Variants in CDHR3 observed in about 807,000 individuals in gnomAD.
The protein encoded by CDHR3 is cadherin related family member 3.
CDHR3 carries 79 observed loss-of-function variants against 86.6 expected under a neutral mutation model. The ratio of observed to expected loss-of-function variants is 0.91; its 90% confidence interval spans 0.76 to 1.10. The LOEUF (loss-of-function observed/expected upper bound fraction) is 1.10. Ranked by LOEUF, CDHR3 falls within the 50% of genes least tolerant of loss-of-function variation. The pLI, the probability that CDHR3 is intolerant of heterozygous loss-of-function variation, is 0.00. For missense variants in CDHR3, 1,081 were observed against 1,077.6 expected, an observed-to-expected ratio of 1.00 and a Z score of -0.04; for synonymous variants, 421 against 402.4, an observed-to-expected ratio of 1.05 and a Z score of -0.55.
At chr7:105,979,035 T>C (rs935643382) in intron 2 of CDHR3, among the ~76,000 whole-genome samples, 50 of 152,334 alleles carry the variant, frequency 3.3e-4, no homozygotes, top group Non-Finnish European at 5.1e-4. Context: ...GAACAGTTTT[T>C]GACTACTTAA....
chr7:105,996,187 C>T (rs967720097), intron 5 of CDHR3, 63 bp from the exon 6 acceptor site: 2 of 878,606 alleles, frequency 2.3e-6, no homozygotes, highest in African/African-American at 1.7e-5. Flanking sequence ...TGATTTTCCC[C>T]ATCCTATTTT....
At chr7:106,008,353 GCT>G in intron 8 of CDHR3, among the ~76,000 whole-genome samples, 1 of 152,256 alleles carries the variant, frequency 6.6e-6, no homozygotes, top group South Asian at 2.1e-4. Context: ...CCCAAAAGCA[GCT>G]CTCTGTCGCA....
chr7:105,977,013 C>T (rs983693734), intron 2 of CDHR3, among the ~76,000 whole-genome samples: 1 of 143,544 alleles, frequency 7.0e-6, no homozygotes, highest in Non-Finnish European at 1.5e-5. Flanking sequence ...GATGGGGTCT[C>T]ACTATGCTGC....
chr7:105,986,585 A>G (rs1830561600), intron 4 of CDHR3, among the ~76,000 whole-genome samples: 1 of 152,092 alleles, frequency 6.6e-6, no homozygotes, highest in East Asian at 1.9e-4. Flanking sequence ...AGACCCAAAG[A>G]CCCCCAGGGA....
intron 4 of CDHR3, 124 bp from the exon 5 acceptor site, chr7:105,994,627 C>A: frequency 1.4e-6 from 1 of 708,662 alleles, no homozygotes; most frequent in South Asian, 1.6e-5. Flanking sequence ...CTTTGAACCG[C>A]ATCCTGATGC....
rs193792 is a variant in CDHR3 at position 105,982,488 on chromosome 7, A to T, written c.415+1355A>T. ...TGTCTCAAAAAAAAAAAAGAAAAAA[A>T]AAAAAAAGAACCAATTAAATCTGGC... On this transcript the variant is annotated intron_variant, in intron 3 of 18. Coordinates refer to ENST00000317716, the MANE Select transcript of CDHR3 (RefSeq NM_152750.5). 1.6e-4 allele frequency among the ~76,000 whole-genome samples: 24 copies of T among 149,008 alleles called. 1 individual carries two copies. Among genetic ancestry groups the T allele is most frequent in the Non-Finnish European group, 3.6e-4 (24 of 67,296 alleles).
chr7:105,991,640 C>CT (rs1337940431), intron 4 of CDHR3, among the ~76,000 whole-genome samples: 8 of 152,002 alleles, frequency 5.3e-5, no homozygotes, highest in South Asian at 2.1e-4. Flanking sequence ...TTTGTTGTTG[C>CT]TTTTTTGTTT....
In CDHR3 at chr7:106,032,795, C is replaced by A; in HGVS notation, c.*98C>A. 1 of 1,286,390 alleles carries A rather than the reference C, an allele frequency of 7.8e-7. No individual in the cohort carries two copies. The highest frequency in any genetic ancestry group is 1.1e-6 in the Non-Finnish European group (1 of 950,490). 79.7% of individuals were successfully genotyped at this position (1,286,390 alleles called of 1,614,324 possible). A position where few individuals can be genotyped will look rare whatever the true frequency, so the allele number is the denominator to read the frequency against. ...CATGGTGTAGGGGGGAAAATGTGGG[C>A]TGAGGGGATTCAGACATCCAGGGTC... On this transcript the variant is annotated 3_prime_UTR_variant, in exon 19 of 19. Coordinates refer to ENST00000317716, the MANE Select transcript of CDHR3 (RefSeq NM_152750.5).
intron 9 of CDHR3, 60 bp from the exon 10 acceptor site, chr7:106,015,051 C>T (rs148088750): frequency 1.3e-4 from 180 of 1,363,178 alleles, no homozygotes; most frequent in African/African-American, 4.9e-4. Flanking sequence ...AAATGTCTCT[C>T]GCAGCCCAAT....
intron 3 of CDHR3, among the ~76,000 whole-genome samples, chr7:105,983,407 G>A (rs1026751155): frequency 2.0e-5 from 3 of 152,130 alleles, no homozygotes; most frequent in Non-Finnish European, 4.4e-5. Context: ...CATTTGAAAA[G>A]CACTAATTAC....
chr7:106,009,062 T>A (rs919917868), intron 8 of CDHR3, among the ~76,000 whole-genome samples: 2 of 152,182 alleles, frequency 1.3e-5, no homozygotes, highest in African/African-American at 4.8e-5. Context: ...TCCTAGACTG[T>A]CCAGGCAAGA....
intron 17 of CDHR3, among the ~76,000 whole-genome samples, chr7:106,028,972 C>CTTTCTTTCTT (rs1837890844): frequency 6.8e-6 from 1 of 147,298 alleles, no homozygotes; most frequent in Non-Finnish European, 1.5e-5. Flanking sequence ...TTCTTTCTTT[C>CTTTCTTTCTT]TTTCTTTCTT....
chr7:105,983,321 G>C (rs549577157), intron 3 of CDHR3, among the ~76,000 whole-genome samples: 1 of 152,266 alleles, frequency 6.6e-6, no homozygotes, highest in Non-Finnish European at 1.5e-5. Flanking sequence ...CAGATGTAAG[G>C]CATCTGGATT....
chr7:105,994,602 A>T, intron 4 of CDHR3, 149 bp from the exon 5 acceptor site: 1 of 654,740 alleles, frequency 1.5e-6, no homozygotes. Context: ...AGAGCGATTA[A>T]ATTGGATAAC....
Position 105,984,295 on chromosome 7 carries a change from T to C in CDHR3, c.513+6T>C, listed in dbSNP as rs762584560. On this transcript the variant is annotated splice_donor_region_variant and intron_variant, in intron 4 of 18. Coordinates refer to ENST00000317716, the MANE Select transcript of CDHR3 (RefSeq NM_152750.5). ...GCCGAAACATTCCCCTCAGTGTAAG[T>C]GTCCTTATATGGAAGAGGTGGTGTT... is the stretch of plus-strand genomic sequence containing the variant. 1 of 1,596,706 alleles carries C rather than the reference T, an allele frequency of 6.3e-7. No individual in the cohort carries two copies. The highest frequency in any genetic ancestry group is 2.2e-5 in the East Asian group (1 of 44,520).
chr7:105,986,404 G>A (rs1006457353), intron 4 of CDHR3, among the ~76,000 whole-genome samples: 15 of 152,214 alleles, frequency 9.9e-5, no homozygotes, highest in East Asian at 1.9e-4. Flanking sequence ...CTCAGGAAGC[G>A]TAAACTGAAT....
chr7:105,963,344 C>T lies in CDHR3; in HGVS notation c.26C>T (p.Ala9Val). Residue 9 changes from alanine (A) to valine (V), a missense_variant, in exon 1 of 19, where the codon GCT becomes GTT. By Grantham distance (64) the Ala-to-Val change is moderately conservative (BLOSUM62 0). Coordinates refer to ENST00000317716, the MANE Select transcript of CDHR3 (RefSeq NM_152750.5). MQEAIILL[A>V]LLGAMSGGEA... is the part of the protein sequence containing the mutation. ...ATGCAGGAAGCAATCATTCTCCTGG[C>T]TCTCCTGGGTGCCATGTCAGGTAGG... 6.2e-7 allele frequency: 1 copy of T among 1,614,032 alleles called. No individual in the cohort carries two copies. The highest frequency in any genetic ancestry group is 2.2e-5 in the East Asian group (1 of 44,884).
At chr7:105,983,370 C>T (rs1240715679) in intron 3 of CDHR3, among the ~76,000 whole-genome samples, 10 of 152,152 alleles carry the variant, frequency 6.6e-5, no homozygotes, top group Admixed American at 2.6e-4. Context: ...AGGACAACTT[C>T]ATAACTTCCC....
chr7:106,028,795 C>A (rs948704793), intron 17 of CDHR3, among the ~76,000 whole-genome samples: 11 of 152,278 alleles, frequency 7.2e-5, no homozygotes, highest in Middle Eastern at 3.4e-3. Flanking sequence ...TGCAGAAGAA[C>A]AGGATTTCAT....
Sources: allele counts gnomAD v4.1 joint callset (sites outside exome capture counted in the v4.1 genomes callset), GRCh38; gene constraint gnomAD v4.1.1; transcripts MANE v1.5; gene names NCBI Gene and HGNC (gene_info 2026-07-23, HGNC 2026-07-21).